Variants in PRKN observed in about 807,000 individuals in gnomAD.
PRKN encodes the protein E3 ubiquitin-protein ligase parkin.
PRKN carries 56 observed loss-of-function variants against 59.5 expected under a neutral mutation model. The ratio of observed to expected loss-of-function variants is 0.94; its 90% CI spans 0.76 to 1.18. The LOEUF (loss-of-function observed/expected upper bound fraction) is 1.18. Among genes scored for constraint, PRKN ranks in the 50% most tolerant of loss-of-function variants. PRKN has a pLI of 0.00. For missense variants in PRKN, 657 were observed against 596.4 expected, an observed-to-expected ratio of 1.10 and a Z score of -1.06; for synonymous variants, 250 against 222.1, an observed-to-expected ratio of 1.13 and a Z score of -1.12.
At chr6:162,453,293 G>A (rs1261914144) in intron 1 of PRKN, among the ~76,000 whole-genome samples, 1 of 152,196 alleles carries the variant, frequency 6.6e-6, no homozygotes, top group African/African-American at 2.4e-5. Flanking sequence ...TGACGAGGGT[G>A]TATCTCCAGT....
chr6:162,502,616 A>C (rs1277841959), intron 1 of PRKN, among the ~76,000 whole-genome samples: 3 of 152,202 alleles, frequency 2.0e-5, no homozygotes, highest in Non-Finnish European at 4.4e-5. Flanking sequence ...CTCATTTCTT[A>C]TCATTAATAT....
chr6:162,137,996 T>C (rs1351549790), intron 4 of PRKN, among the ~76,000 whole-genome samples: 1 of 151,614 alleles, frequency 6.6e-6, no homozygotes, highest in Admixed American at 6.6e-5. Flanking sequence ...TTGTTAGCTA[T>C]AGCAGAGGAA....
At chr6:162,727,585 C>G (rs111508614) in intron 1 of PRKN, 77 bp downstream of exon 1, 1 of 1,464,256 alleles carries the variant, frequency 6.8e-7, no homozygotes, top group Non-Finnish European at 9.4e-7. Flanking sequence ...GGGTCCTGGT[C>G]GGCCGAGGCG....
At chr6:162,339,351 C>T (rs1250047058) in intron 2 of PRKN, among the ~76,000 whole-genome samples, 2 of 143,852 alleles carry the variant, frequency 1.4e-5, no homozygotes, top group Non-Finnish European at 3.1e-5. Context: ...GGGGGGTCAG[C>T]CCCCGCCCGG....
chr6:161,682,650 G>A (rs933738890), intron 7 of PRKN, among the ~76,000 whole-genome samples: 12 of 152,118 alleles, frequency 7.9e-5, no homozygotes, highest in African/African-American at 2.9e-4. Flanking sequence ...CCCTGGAGGT[G>A]AAACAAACAG....
Position 161,405,664 on chromosome 6 carries a change from TA to T in PRKN, c.1084-18788del. Among the ~76,000 whole-genome samples, 1 of 151,572 alleles carries T rather than the reference TA, an allele frequency of 6.6e-6. No homozygotes were observed. The highest frequency in any genetic ancestry group is 1.5e-5 in the Non-Finnish European group (1 of 67,892). On this transcript the variant is annotated intron_variant, in intron 9 of 11. Transcript: ENST00000366898. This position sits in a 1 kb window ranked among gnomAD's most constrained non-coding sequence, Gnocchi z 5.1. ...TAAATAAATAAATTTGGGTCCACCA[TA>T]ATCAGCATTTTGGGCCAGCTTCCAG...
intron 2 of PRKN, among the ~76,000 whole-genome samples, chr6:162,420,117 G>T (rs1392093795): frequency 6.6e-6 from 1 of 151,950 alleles, no homozygotes; most frequent in Non-Finnish European, 1.5e-5. Context: ...TCACCATAAT[G>T]TAGAGTCAGT....
chr6:162,332,254 C>T (rs1016535066), intron 2 of PRKN, among the ~76,000 whole-genome samples: 23 of 152,294 alleles, frequency 1.5e-4, no homozygotes, highest in Middle Eastern at 3.4e-3. Flanking sequence ...GACTATATAT[C>T]CATAGGGCCA....
chr6:162,140,396 T>C (rs1045245018), intron 4 of PRKN, among the ~76,000 whole-genome samples: 3 of 152,248 alleles, frequency 2.0e-5, no homozygotes, highest in South Asian at 2.1e-4. Flanking sequence ...CTTGGCAATA[T>C]AAATTGTGTT....
intron 4 of PRKN, among the ~76,000 whole-genome samples, chr6:162,091,249 A>G: frequency 6.6e-6 from 1 of 152,172 alleles, no homozygotes; most frequent in East Asian, 1.9e-4. Context: ...TAAAGGATGC[A>G]TTTTAGTAAT....
At chr6:162,694,382 C>T (rs1054182597) in intron 1 of PRKN, among the ~76,000 whole-genome samples, 4 of 152,066 alleles carry the variant, frequency 2.6e-5, no homozygotes, top group Non-Finnish European at 5.9e-5. Context: ...CAGCAGAATG[C>T]GAGGCCTTCA....
intron 6 of PRKN, among the ~76,000 whole-genome samples, chr6:161,831,733 A>G (rs59026066): frequency 0.014 from 2,166 of 152,266 alleles, 32 homozygotes; most frequent in East Asian, 0.056. Context: ...TGTGCAGGTA[A>G]ATGTCAGCTG....
chr6:161,403,207 T>C (rs754463374), intron 9 of PRKN, among the ~76,000 whole-genome samples: 1 of 152,150 alleles, frequency 6.6e-6, no homozygotes, highest in South Asian at 2.1e-4. Context: ...GAGCTGATCA[T>C]CTGTAGGGTA....
At chr6:161,874,719 C>T (rs1347135603) in intron 6 of PRKN, among the ~76,000 whole-genome samples, 2 of 84,344 alleles carry the variant, frequency 2.4e-5, no homozygotes, top group African/African-American at 1.0e-4. Context: ...ATAAAATGTA[C>T]AATATATAAA....
intron 1 of PRKN, among the ~76,000 whole-genome samples, chr6:162,665,475 A>G (rs559031052): frequency 6.6e-6 from 1 of 152,214 alleles, no homozygotes; most frequent in African/African-American, 2.4e-5. Context: ...ACAGCCAACA[A>G]GGGATGTGAA....
At chr6:162,495,406 T>C (rs1793014699) in intron 1 of PRKN, among the ~76,000 whole-genome samples, 1 of 152,160 alleles carries the variant, frequency 6.6e-6, no homozygotes, top group Admixed American at 6.5e-5. Flanking sequence ...TGAAATGGTA[T>C]TAAGTTGTGT....
At chr6:162,548,033 C>T (rs1157460721) in intron 1 of PRKN, among the ~76,000 whole-genome samples, 1 of 146,078 alleles carries the variant, frequency 6.8e-6, no homozygotes, top group Non-Finnish European at 1.5e-5. Context: ...TGGAAGGTGG[C>T]CCCTACTTCC....
intron 4 of PRKN, among the ~76,000 whole-genome samples, chr6:162,192,118 C>T (rs1341553393): frequency 1.3e-5 from 2 of 152,088 alleles, no homozygotes; most frequent in African/African-American, 4.8e-5. Context: ...TCAAACCCTT[C>T]TATGTAGTAT....
At chr6:162,516,443 T>G (rs1777861657) in intron 1 of PRKN, among the ~76,000 whole-genome samples, 1 of 152,124 alleles carries the variant, frequency 6.6e-6, no homozygotes, top group Admixed American at 6.6e-5. Flanking sequence ...ACTACTCGGT[T>G]ATATTATATT....
Sources: gnomAD v4.1 joint callset for allele counts (sites outside exome capture counted in the v4.1 genomes callset) on GRCh38, gnomAD v4.1.1 for gene constraint, Gnocchi (gnomAD v3.1) non-coding constraint, MANE v1.5 for transcripts, NCBI Gene and HGNC (gene_info 2026-07-23, HGNC 2026-07-21) for gene names.